Variants in RTN3 observed in about 807,000 individuals in gnomAD.
RTN3 encodes the protein reticulon-3.
Under a neutral mutation model 77.8 loss-of-function variants are expected in RTN3, and 49 were observed. The observed-to-expected ratio is 0.63, with a 90% confidence interval of 0.50 to 0.80. The LOEUF (loss-of-function observed/expected upper bound fraction) is 0.80, where lower values mean the gene tolerates loss of function less well. RTN3 is among the 30% of genes least tolerant of loss of function. RTN3 has a pLI of 0.00. For missense variants in RTN3, 1,236 were observed against 1,211.9 expected, an observed-to-expected ratio of 1.02 and a Z score of -0.29; for synonymous variants, 464 against 446.9, an observed-to-expected ratio of 1.04 and a Z score of -0.48.
At position 63,758,288 on chromosome 11, in the gene RTN3, A is replaced by C. The variant is rs1478590230; in HGVS notation, c.*87A>C. On this transcript the variant is annotated 3_prime_UTR_variant, in exon 9 of 9. Transcript: ENST00000377819. Reference sequence around the variant, plus strand: ...ACTTGTACTATGAAGGAAAATACTCAGTGTCAGCTTGAGCCTGCATTCCAA... The same window carrying C: ...ACTTGTACTATGAAGGAAAATACTCCGTGTCAGCTTGAGCCTGCATTCCAA... The C allele has an allele frequency of 3.7e-6, 6 of 1,613,344 alleles. No homozygotes were observed. Among genetic ancestry groups the C allele is most frequent in the Admixed American group, 3.3e-5 (2 of 59,948 alleles).
chr11:63,749,892 C>CT, intron 3 of RTN3, 99 bp from the exon 4 acceptor site: 3 of 833,630 alleles, frequency 3.6e-6, no homozygotes, highest in Non-Finnish European at 5.9e-6. Context: ...TAAAGTGGGG[C>CT]ATACCTGTAT....
chr11:63,688,921 A>G (rs1941511796), intron 1 of RTN3, among the ~76,000 whole-genome samples: 1 of 152,216 alleles, frequency 6.6e-6, no homozygotes, highest in Admixed American at 6.5e-5. Context: ...AGTCAAGAGT[A>G]TATTTTGCAG....
intron 2 of RTN3, among the ~76,000 whole-genome samples, chr11:63,712,183 A>ATTTTC (rs1386385887): frequency 2.0e-5 from 3 of 152,162 alleles, no homozygotes; most frequent in Non-Finnish European, 4.4e-5. Flanking sequence ...CTACATGAGG[A>ATTTTC]TTTTCTGTAT....
intron 3 of RTN3, among the ~76,000 whole-genome samples, chr11:63,741,281 C>T (rs2013459963): frequency 6.6e-6 from 1 of 151,630 alleles, no homozygotes; most frequent in Non-Finnish European, 1.5e-5. Context: ...TGGCTCACTG[C>T]AACCTCCGCC....
intron 8 of RTN3, among the ~76,000 whole-genome samples, chr11:63,756,602 G>A (rs1210075710): frequency 6.6e-6 from 1 of 152,150 alleles, no homozygotes; most frequent in African/African-American, 2.4e-5. Flanking sequence ...GGAAAAAAAA[G>A]ATCAGTGGAA....
intron 1 of RTN3, among the ~76,000 whole-genome samples, chr11:63,699,138 T>G (rs1252252445): frequency 6.6e-6 from 1 of 151,788 alleles, no homozygotes; most frequent in African/African-American, 2.4e-5. Flanking sequence ...AAACCCCTAC[T>G]AAAAATACAA....
chr11:63,693,742 C>G (rs1486172147), intron 1 of RTN3, among the ~76,000 whole-genome samples: 1 of 152,104 alleles, frequency 6.6e-6, no homozygotes, highest in African/African-American at 2.4e-5. Context: ...TTTATTTCTT[C>G]TGGACTGTAG....
chr11:63,693,933 A>C (rs1941797529), intron 1 of RTN3, among the ~76,000 whole-genome samples: 1 of 152,074 alleles, frequency 6.6e-6, no homozygotes, highest in Non-Finnish European at 1.5e-5. Context: ...ACCAGCCTGC[A>C]CAACATAATG....
At chr11:63,708,859 T>C (rs1942615729) in intron 2 of RTN3, among the ~76,000 whole-genome samples, 1 of 152,252 alleles carries the variant, frequency 6.6e-6, no homozygotes, top group East Asian at 1.9e-4. Context: ...ATTTTAATGA[T>C]GTTTTCCTGT....
intron 1 of RTN3, among the ~76,000 whole-genome samples, chr11:63,684,658 G>T (rs190915235): frequency 6.6e-6 from 1 of 152,144 alleles, no homozygotes; most frequent in African/African-American, 2.4e-5. Context: ...CTGTAGACAC[G>T]TATCACTATT....
In RTN3 at chr11:63,681,506, T is replaced by A; in HGVS notation, c.-131T>A. On this transcript the variant is annotated 5_prime_UTR_variant, in exon 1 of 9. Transcript: ENST00000377819. ...GCGCTCGGCTGAGTCAGTCAGTCTG[T>A]CGGAGTCTGTCCTCGGAGCAGGCGG... 1.1e-6 allele frequency: 1 copy of A among 951,956 alleles called. No individual in the cohort carries two copies. The highest frequency in any genetic ancestry group is 2.1e-5 in the South Asian group (1 of 48,656). 59.0% of individuals were successfully genotyped at this position (951,956 alleles called of 1,614,324 possible). A position where few individuals can be genotyped will look rare whatever the true frequency, so the allele number is the denominator to read the frequency against.
rs1453927504 is a variant in RTN3 at position 63,684,234 on chromosome 11, C to T, written c.142+2456C>T. Among the ~76,000 whole-genome samples, 4 of 149,682 alleles carry T rather than the reference C, an allele frequency of 2.7e-5. 1 individual carries two copies. Among genetic ancestry groups the T allele is most frequent in the Admixed American group, 6.7e-5 (1 of 14,978 alleles). On this transcript the variant is annotated intron_variant, in intron 1 of 8. Transcript: ENST00000377819. Reference sequence around the variant, plus strand: ...TGCGATCTCAGCTCACTGCAACCTCCATCTCCCAGGTTCATGCCATTCTCC... The same window carrying T: ...TGCGATCTCAGCTCACTGCAACCTCTATCTCCCAGGTTCATGCCATTCTCC...
intron 3 of RTN3, among the ~76,000 whole-genome samples, chr11:63,739,781 A>G (rs1225470273): frequency 6.6e-6 from 1 of 152,222 alleles, no homozygotes; most frequent in Non-Finnish European, 1.5e-5. Flanking sequence ...AAAAATGTTT[A>G]AGACTCTTAA....
intron 2 of RTN3, among the ~76,000 whole-genome samples, chr11:63,716,565 T>G (rs1032006299): frequency 2.0e-5 from 3 of 152,220 alleles, no homozygotes; most frequent in Non-Finnish European, 4.4e-5. Context: ...GCGTGGTGGC[T>G]CATGCCTATA....
intron 6 of RTN3, 81 bp from the exon 7 acceptor site, chr11:63,753,581 A>G (rs2014212428): frequency 7.6e-7 from 1 of 1,311,144 alleles, no homozygotes; most frequent in African/African-American, 1.5e-5. Context: ...TTTTTGAGGA[A>G]AAATGTATAT....
At chr11:63,725,155 G>T (rs1442909847) in intron 3 of RTN3, among the ~76,000 whole-genome samples, 1 of 152,024 alleles carries the variant, frequency 6.6e-6, no homozygotes, top group Non-Finnish European at 1.5e-5. Context: ...ACGTAACACC[G>T]TCATGGACCT....
chr11:63,751,821 G>A (rs898879252), intron 4 of RTN3, among the ~76,000 whole-genome samples: 1 of 152,076 alleles, frequency 6.6e-6, no homozygotes, highest in African/African-American at 2.4e-5. Flanking sequence ...GTGAAACCTC[G>A]TCTTTACTAA....
rs761205282 is a variant in RTN3 at position 63,753,032 on chromosome 11, G to A, written c.2878-37G>A. ...TCAGTTAATGTGAATTTTGCCTTACGGTTATTCCTGCTTAACTTTTGATAT... is the reference window on the plus strand; with the variant it reads ...TCAGTTAATGTGAATTTTGCCTTACAGTTATTCCTGCTTAACTTTTGATAT... On this transcript the variant is annotated intron_variant, in intron 5 of 8. Coordinates refer to ENST00000377819, the MANE Select transcript of RTN3 (RefSeq NM_001265589.2). 3.7e-5 allele frequency: 59 copies of A among 1,597,686 alleles called. 1 individual carries two copies. Among genetic ancestry groups the A allele is most frequent in the Middle Eastern group, 3.3e-4 (2 of 6,024 alleles).
chr11:63,692,654 G>A (rs961432056), intron 1 of RTN3, among the ~76,000 whole-genome samples: 9 of 152,030 alleles, frequency 5.9e-5, no homozygotes, highest in Non-Finnish European at 1.0e-4. Flanking sequence ...CCAGCTACTC[G>A]GGAGACTGAG....
Sources: gnomAD v4.1 joint callset for allele counts (sites outside exome capture counted in the v4.1 genomes callset) on GRCh38, gnomAD v4.1.1 for gene constraint, MANE v1.5 for transcripts, NCBI Gene and HGNC (gene_info 2026-07-23, HGNC 2026-07-21) for gene names.